The following STAB2 variants were observed in gnomAD, a reference collection of about 807,000 sequenced individuals.
The protein encoded by STAB2 is stabilin 2.
STAB2 carries 288 observed loss-of-function variants against 338.1 expected under a neutral mutation model. The ratio of observed to expected loss-of-function variants is 0.85; its 90% confidence interval spans 0.77 to 0.94. The LOEUF (loss-of-function observed/expected upper bound fraction) is 0.94, where lower values mean the gene tolerates loss of function less well. Ranked by LOEUF, STAB2 falls within the 40% of genes least tolerant of loss-of-function variation. The probability of loss-of-function intolerance (pLI) is 0.00; values close to 1 mark genes in which losing one functional copy is unlikely to be tolerated. For missense variants in STAB2, 3,141 were observed against 3,210.1 expected (o/e 0.98, Z 0.52); for synonymous variants, 1,202 against 1,193.3 (o/e 1.01, Z -0.15).
At chr12:103,728,210 GCCATGA>G (rs1490395698) in intron 47 of STAB2, among the ~76,000 whole-genome samples, 1 of 152,170 alleles carries the variant, frequency 6.6e-6, no homozygotes, top group Non-Finnish European at 1.5e-5. Context: ...GGAGTGCAGT[GCCATGA>G]TCTCGGCTCA....
At chr12:103,605,200 C>T (rs1359287435) in intron 3 of STAB2, among the ~76,000 whole-genome samples, 2 of 151,788 alleles carry the variant, frequency 1.3e-5, no homozygotes, top group South Asian at 2.1e-4. Context: ...TCAGTGAATG[C>T]AAATTAAGAT....
At chr12:103,698,833 A>G (rs1878619128) in intron 33 of STAB2, among the ~76,000 whole-genome samples, 1 of 152,130 alleles carries the variant, frequency 6.6e-6, no homozygotes, top group Admixed American at 6.5e-5. Flanking sequence ...ATCTACCCCC[A>G]GCTCTCATAT....
At chr12:103,700,646 G>A (rs1878781966) in intron 34 of STAB2, among the ~76,000 whole-genome samples, 1 of 152,136 alleles carries the variant, frequency 6.6e-6, no homozygotes, top group Admixed American at 6.5e-5. Flanking sequence ...TTTTGCTTCT[G>A]TATGTGTTTG....
intron 3 of STAB2, among the ~76,000 whole-genome samples, chr12:103,607,804 G>A (rs1436781285): frequency 6.6e-6 from 1 of 152,066 alleles, no homozygotes; most frequent in Admixed American, 6.6e-5. Flanking sequence ...CATTTGGGTT[G>A]GTTCTAAGTC....
rs34881989 is a variant in STAB2, at chr12:103,620,624, A to AACACACACACACACAC, written c.417+86_417+101dup. 49 of 842,528 alleles carry AACACACACACACACAC rather than the reference A, an allele frequency of 5.8e-5. No homozygotes were observed. The African/African-American group carries it at 7.3e-4, about 12-fold the overall frequency. 52.2% of individuals were successfully genotyped at this position (842,528 alleles called of 1,614,324 possible). A position where few individuals can be genotyped will look rare whatever the true frequency, so the allele number is the denominator to read the frequency against. On this transcript the variant is annotated intron_variant, in intron 4 of 68. Transcript: ENST00000388887. ...TCTTCTTACCTGTTGATCCTCCTTA[A>AACACACACACACACAC]ACACACACACACACACACACACACA...
chr12:103,593,774 G>A (rs1956834888), intron 2 of STAB2, among the ~76,000 whole-genome samples: 1 of 152,230 alleles, frequency 6.6e-6, no homozygotes, highest in Non-Finnish European at 1.5e-5. Flanking sequence ...CCTAGAATAA[G>A]CCATGCCTGC....
intron 5 of STAB2, among the ~76,000 whole-genome samples, chr12:103,631,217 A>G (rs1395676380): frequency 6.6e-6 from 1 of 152,250 alleles, no homozygotes; most frequent in Non-Finnish European, 1.5e-5. Flanking sequence ...TCTGCTACCA[A>G]CAGTGACTGA....
intron 27 of STAB2, among the ~76,000 whole-genome samples, chr12:103,687,104 A>G (rs1038313175): frequency 6.6e-6 from 1 of 152,216 alleles, no homozygotes; most frequent in African/African-American, 2.4e-5. Flanking sequence ...TTTGCATAGG[A>G]TCATGATATT....
intron 19 of STAB2, among the ~76,000 whole-genome samples, chr12:103,667,365 G>A (rs531200761): frequency 6.6e-6 from 1 of 152,296 alleles, no homozygotes; most frequent in South Asian, 2.1e-4. Context: ...AATGCTTTAT[G>A]CAGCAGCCCC....
At chr12:103,763,877 C>G (rs1884721795) in intron 68 of STAB2, 1 of 308,310 alleles carries the variant, frequency 3.2e-6, no homozygotes. Context: ...AATCTCATGA[C>G]CAGGTGAGAT....
At chr12:103,757,441 G>T (rs1036007128) in intron 63 of STAB2, among the ~76,000 whole-genome samples, 3 of 152,190 alleles carry the variant, frequency 2.0e-5, no homozygotes, top group African/African-American at 7.2e-5. Context: ...CAGTGAACAA[G>T]CAAGCAAACA....
intron 47 of STAB2, among the ~76,000 whole-genome samples, chr12:103,727,858 C>G (rs1881334611): frequency 6.6e-6 from 1 of 152,118 alleles, no homozygotes; most frequent in Non-Finnish European, 1.5e-5. Flanking sequence ...CACAACAACC[C>G]TGTGAGTTCT....
At chr12:103,694,595 G>A (rs1022130238) in intron 31 of STAB2, among the ~76,000 whole-genome samples, 3 of 152,040 alleles carry the variant, frequency 2.0e-5, no homozygotes, top group Non-Finnish European at 4.4e-5. Flanking sequence ...TTATTTTTAA[G>A]TACAAGCAGC....
Position 103,717,817 on chromosome 12 carries a change from C to T in STAB2, c.4659C>T (p.Cys1553=), listed in dbSNP as rs2037698994. The T allele has an allele frequency of 5.0e-6, 8 of 1,614,002 alleles. No homozygotes were observed. The highest frequency in any genetic ancestry group is 1.7e-5 in the Admixed American group (1 of 60,004). ...LPAYTGDGKV[C]TLINVCLTKN... ...CATACACTGGAGATGGAAAGGTCTG[C>T]ACACTCATCAATGTCTGCTTAACTG... The change falls in exon 44 of 69, where the codon TGC becomes TGT. Residue 1553 remains cysteine, a synonymous_variant. Coordinates refer to ENST00000388887, the MANE Select transcript of STAB2 (RefSeq NM_017564.10).
chr12:103,723,823 G>A (rs1310067198), intron 44 of STAB2, among the ~76,000 whole-genome samples: 1 of 152,134 alleles, frequency 6.6e-6, no homozygotes, highest in Non-Finnish European at 1.5e-5. Flanking sequence ...TGGGGAGAAA[G>A]AAGTAAGCTC....
intron 23 of STAB2, 46 bp downstream of exon 23, chr12:103,674,133 T>G (rs911378372): frequency 3.8e-6 from 6 of 1,565,986 alleles, no homozygotes; most frequent in Non-Finnish European, 1.7e-6. Flanking sequence ...AGTCATTAAG[T>G]GTAAGGGGAT....
At chr12:103,597,567 G>GA (rs908143783) in intron 3 of STAB2, among the ~76,000 whole-genome samples, 13 of 152,122 alleles carry the variant, frequency 8.5e-5, no homozygotes, top group African/African-American at 2.9e-4. Context: ...CTCACTTGGG[G>GA]AAAAAAATAA....
intron 47 of STAB2, 56 bp downstream of exon 47, chr12:103,727,406 G>C: frequency 6.3e-7 from 1 of 1,588,660 alleles, no homozygotes; most frequent in Admixed American, 1.7e-5. Context: ...CATAGTCCTT[G>C]GGCCTCGCCC....
chr12:103,664,396 G>A (rs1054035566), intron 18 of STAB2, among the ~76,000 whole-genome samples: 1 of 152,110 alleles, frequency 6.6e-6, no homozygotes, highest in Non-Finnish European at 1.5e-5. Context: ...TGCCCGCCTC[G>A]GCCTCCCAAA....
Sources: allele counts gnomAD v4.1 joint callset (sites outside exome capture counted in the v4.1 genomes callset), GRCh38; gene constraint gnomAD v4.1.1; transcripts MANE v1.5; gene names NCBI Gene and HGNC (gene_info 2026-07-23, HGNC 2026-07-21).